The following LTBP1 variants were observed in gnomAD, a reference collection of about 807,000 sequenced individuals.
The protein encoded by LTBP1 is latent transforming growth factor beta binding protein 1.
In LTBP1, 129 loss-of-function variants were observed where a neutral mutation model predicts 207.6. The ratio of observed to expected loss-of-function variants is 0.62; its 90% CI spans 0.54 to 0.72. LTBP1 has a LOEUF of 0.72. LTBP1 is among the 30% of genes least tolerant of loss of function. The probability of loss-of-function intolerance (pLI) is 0.00; values close to 1 mark genes in which losing one functional copy is unlikely to be tolerated. For synonymous variants in LTBP1, 963 were observed against 833.7 expected (o/e 1.16, Z -2.67); for missense variants, 2,281 against 2,217.2 (o/e 1.03, Z -0.58).
At chr2:33,051,136 G>A (rs942520829) in intron 3 of LTBP1, among the ~76,000 whole-genome samples, 5 of 152,152 alleles carry the variant, frequency 3.3e-5, no homozygotes, top group African/African-American at 9.7e-5. Flanking sequence ...TATAGTCCCC[G>A]CCCGTTGTGG....
chr2:33,230,567 A>G (rs1421961635), intron 9 of LTBP1, among the ~76,000 whole-genome samples: 2 of 152,202 alleles, frequency 1.3e-5, no homozygotes, highest in African/African-American at 2.4e-5. Flanking sequence ...TTATTATGCT[A>G]TAAAGGTCTG....
chr2:33,072,215 C>T (rs757736664), intron 3 of LTBP1, among the ~76,000 whole-genome samples: 7 of 152,122 alleles, frequency 4.6e-5, no homozygotes, highest in South Asian at 2.1e-4. Flanking sequence ...AGGATACAGA[C>T]GAAGAGGTGC....
At chr2:33,078,704 G>A (rs554782058) in intron 3 of LTBP1, among the ~76,000 whole-genome samples, 7 of 152,184 alleles carry the variant, frequency 4.6e-5, no homozygotes, top group African/African-American at 1.7e-4. Flanking sequence ...ATGTATATTT[G>A]TCTTTAAAAG....
chr2:33,235,134 T>C (rs181983071), intron 9 of LTBP1, among the ~76,000 whole-genome samples: 35 of 152,284 alleles, frequency 2.3e-4, no homozygotes, highest in African/African-American at 8.4e-4. Flanking sequence ...TGGGAGAACA[T>C]TTTTGCAGTC....
At chr2:33,366,130 C>T (rs1456288379) in intron 31 of LTBP1, among the ~76,000 whole-genome samples, 1 of 152,204 alleles carries the variant, frequency 6.6e-6, no homozygotes, top group Admixed American at 6.5e-5. Context: ...CTGGAAGGTG[C>T]TGGCTTTGTG....
At position 33,396,729 on chromosome 2, in the gene LTBP1, T is replaced by G. The variant is rs79854675; in HGVS notation, c.4835-404T>G. Among the ~76,000 whole-genome samples, 415 of 152,322 alleles carry G rather than the reference T, an allele frequency of 2.7e-3. 2 individuals are homozygous for G. The highest frequency in any genetic ancestry group is 9.4e-3 in the African/African-American group (389 of 41,576). On this transcript the variant is annotated intron_variant, in intron 32 of 33. Coordinates refer to ENST00000404816, the MANE Select transcript of LTBP1 (RefSeq NM_206943.4). ...TTGCCTCACACTCTTACGGACCTTC[T>G]TAGCAAATGCTTACTAGACTCCGAT...
intron 3 of LTBP1, among the ~76,000 whole-genome samples, chr2:33,060,109 T>C (rs1372195060): frequency 1.3e-5 from 2 of 152,224 alleles, no homozygotes; most frequent in Non-Finnish European, 2.9e-5. Flanking sequence ...ATTTTTAAAC[T>C]GTAGACTCCA....
At chr2:33,302,187 G>T (rs1002567219) in intron 22 of LTBP1, among the ~76,000 whole-genome samples, 5 of 152,168 alleles carry the variant, frequency 3.3e-5, no homozygotes, top group Non-Finnish European at 7.3e-5. Context: ...CTTATGGAGC[G>T]GGGAATATCT....
chr2:33,132,378 A>G (rs909478067), intron 4 of LTBP1, among the ~76,000 whole-genome samples: 2 of 152,168 alleles, frequency 1.3e-5, no homozygotes, highest in African/African-American at 4.8e-5. Flanking sequence ...TCCTGTAAGC[A>G]TTTAAAGGAG....
intron 4 of LTBP1, among the ~76,000 whole-genome samples, chr2:33,113,720 C>T (rs1558653432): frequency 6.6e-6 from 1 of 152,050 alleles, no homozygotes; most frequent in African/African-American, 2.4e-5. Context: ...TTTTTCCCAG[C>T]TTCTTTTCAA....
intron 5 of LTBP1, among the ~76,000 whole-genome samples, chr2:33,168,180 G>C (rs2085091801): frequency 6.6e-6 from 1 of 152,006 alleles, no homozygotes; most frequent in South Asian, 2.1e-4. Context: ...AGGAATTTGA[G>C]ACCAGCCTGG....
Position 33,331,280 on chromosome 2 carries a change from G to C in LTBP1, c.3731-11558G>C, listed in dbSNP as rs982828972. ...ATATTTACACTTTGGGGTTTAAATT[G>C]TCTTTATTTCTAACTACTTGAAGTA... On this transcript the variant is annotated intron_variant, in intron 24 of 33. Transcript: ENST00000404816. 2.6e-5 allele frequency among the ~76,000 whole-genome samples: 4 copies of C among 151,064 alleles called. No homozygotes were observed. In the East Asian group the frequency reaches 7.7e-4, roughly 29 times the overall value.
intron 5 of LTBP1, among the ~76,000 whole-genome samples, chr2:33,142,468 C>T (rs1047423121): frequency 1.3e-5 from 2 of 150,394 alleles, no homozygotes; most frequent in East Asian, 3.9e-4. Context: ...GTAGAGGGTG[C>T]GTGGTGGTGG....
chr2:33,254,916 C>T lies in LTBP1; in HGVS notation c.2167+2072C>T, dbSNP rs562831500. ...CTATTACATTTATTAATATCAAACACTGTTGTTTCCTGCATTTTTTTTTAT... is the reference window on the plus strand; with the variant it reads ...CTATTACATTTATTAATATCAAACATTGTTGTTTCCTGCATTTTTTTTTAT... On this transcript the variant is annotated intron_variant, in intron 11 of 33. Transcript: ENST00000404816. Among the ~76,000 whole-genome samples the T allele has an allele frequency of 3.0e-4, 29 of 97,414 alleles. No homozygotes were observed. In the East Asian group the frequency reaches 0.011, roughly 36 times the overall value. 63.9% of individuals were successfully genotyped at this position (97,414 alleles called of 152,430 possible).
At chr2:33,007,401 A>G (rs1231137514) in intron 2 of LTBP1, among the ~76,000 whole-genome samples, 2 of 152,244 alleles carry the variant, frequency 1.3e-5, no homozygotes, top group Non-Finnish European at 2.9e-5. Context: ...TGCTGTCAAA[A>G]TAAATCAAAT....
chr2:33,381,898 T>C (rs974210120), intron 31 of LTBP1, among the ~76,000 whole-genome samples: 1 of 152,084 alleles, frequency 6.6e-6, no homozygotes, highest in Admixed American at 6.6e-5. Flanking sequence ...GTAGTTTTCT[T>C]ATTGGAAACA....
In LTBP1 at chr2:33,215,978, G is replaced by T. The variant is rs372522876; in HGVS notation, c.1702-1574G>T. 1.8e-4 allele frequency among the ~76,000 whole-genome samples: 28 copies of T among 152,220 alleles called. 1 individual carries two copies. In the East Asian group the frequency reaches 3.9e-3, roughly 21 times the overall value. On this transcript the variant is annotated intron_variant, in intron 7 of 33. Transcript: ENST00000404816. ...TCTGCCTGCCTCGGCCTCCCAAAGT[G>T]CTGGGATTACAGGTGTGAGCCACCA...
At chr2:32,982,765 G>T (rs1682960627) in intron 2 of LTBP1, among the ~76,000 whole-genome samples, 2 of 152,228 alleles carry the variant, frequency 1.3e-5, no homozygotes, top group Non-Finnish European at 2.9e-5. Context: ...ATGATGTTGA[G>T]CCTGTGGGTG....
intron 5 of LTBP1, among the ~76,000 whole-genome samples, chr2:33,170,306 C>G (rs4670660): frequency 0.48 from 72,460 of 151,646 alleles, 17,602 homozygotes; most frequent in Non-Finnish European, 0.52. Context: ...CACCCTAATA[C>G]TGCGCTTTTC....
Sources: gnomAD v4.1 joint callset for allele counts (sites outside exome capture counted in the v4.1 genomes callset) on GRCh38, gnomAD v4.1.1 for gene constraint, MANE v1.5 for transcripts, NCBI Gene and HGNC (gene_info 2026-07-23, HGNC 2026-07-21) for gene names.